FUT1: variants seen among roughly 807,000 people sequenced by gnomAD.
The protein encoded by FUT1 is galactoside alpha-(1,2)-fucosyltransferase 1.
For missense variants in FUT1, 476 were observed against 492.7 expected (o/e 0.97, Z 0.32); for synonymous variants, 215 against 208.7 (o/e 1.03, Z -0.26).
In FUT1 at chr19:48,752,007, C is replaced by A. The variant is rs2034010949; in HGVS notation, c.-3+483G>T. ...TGGTGGCACATGTCTGTGGTCTCAG[C>A]TACACCGGATGCTAAGGCGGGAGGA... On this transcript the variant is annotated intron_variant, in intron 1 of 1. Coordinates refer to ENST00000645652, the MANE Select transcript of FUT1 (RefSeq NM_001384359.1). This position sits in a 1 kb window ranked among gnomAD's most constrained non-coding sequence, Gnocchi z 4.3. 2.0e-5 allele frequency among the ~76,000 whole-genome samples: 3 copies of A among 151,292 alleles called. No individual in the cohort carries two copies. In the Admixed American group the frequency reaches 2.0e-4, roughly 10 times the overall value.
At chr19:48,751,958 A>T (rs372597860) in intron 1 of FUT1, among the ~76,000 whole-genome samples, 30 of 152,080 alleles carry the variant, frequency 2.0e-4, no homozygotes, top group Non-Finnish European at 3.1e-4. Flanking sequence ...TCTCCAAAAA[A>T]AAATAAATAA....
chr19:48,754,222 A>AT (rs2034052804), upstream of FUT1, among the ~76,000 whole-genome samples: 1 of 151,216 alleles, frequency 6.6e-6, no homozygotes, highest in Non-Finnish European at 1.5e-5. Context: ...TATTTCTTCT[A>AT]CCGCTATCTA....
chr19:48,750,324 C>T lies in FUT1; in HGVS notation c.958G>A (p.Gly320Arg), dbSNP rs762020231. ...AAGTTGGCCAGGTAGACAGTGTCTC[C>T]GCCAGCCAGGTAGGCAGCCCAGAAG... ...FGFWAAYLAG[G>R]DTVYLANFTL... Residue 320 changes from glycine to arginine, a missense_variant, in exon 2 of 2, where the codon GGA (glycine) becomes AGA (arginine). Coordinates refer to ENST00000645652, the MANE Select transcript of FUT1 (RefSeq NM_001384359.1). The T allele has an allele frequency of 1.2e-5, 19 of 1,614,072 alleles. No individual in the cohort carries two copies. The highest frequency in any genetic ancestry group is 4.5e-5 in the East Asian group (2 of 44,894).
At chr19:48,754,098 A>C (rs1292330590), upstream of FUT1, among the ~76,000 whole-genome samples, 1 of 150,340 alleles carries the variant, frequency 6.7e-6, no homozygotes, top group Non-Finnish European at 1.5e-5. Flanking sequence ...AGGCAGGAGA[A>C]TGGTGTGAAC....
At position 48,750,332 on chromosome 19, in the gene FUT1, A is replaced by T. The variant is rs762648440; in HGVS notation, c.950T>A (p.Leu317Gln). ...CAGGTAGACAGTGTCTCCGCCAGCC[A>T]GGTAGGCAGCCCAGAAGCCGAAGGT... ...IGTFGFWAAY[L>Q]AGGDTVYLAN... is the part of the protein sequence containing the mutation. Residue 317 changes from leucine to glutamine, a missense_variant, in exon 2 of 2, where the codon CTG becomes CAG. Physicochemically the swap from Leu to Gln is moderately radical, Grantham distance 113. Transcript: ENST00000645652. 1.2e-6 allele frequency: 2 copies of T among 1,614,238 alleles called. No individual in the cohort carries two copies. The highest frequency in any genetic ancestry group is 1.7e-6 in the Non-Finnish European group (2 of 1,180,048).
chr19:48,754,546 C>T (rs2122567567), upstream of FUT1, among the ~76,000 whole-genome samples: 2 of 152,282 alleles, frequency 1.3e-5, no homozygotes, highest in South Asian at 4.1e-4. Flanking sequence ...TCACAATGTC[C>T]CTTCAGTACC....
chr19:48,752,128 A>AG lies in FUT1; in HGVS notation c.-3+361_-3+362insC, dbSNP rs2034014176. On this transcript the variant is annotated intron_variant, in intron 1 of 1. Coordinates refer to ENST00000645652, the MANE Select transcript of FUT1 (RefSeq NM_001384359.1). This position sits in a 1 kb window ranked among gnomAD's most constrained non-coding sequence, Gnocchi z 4.3. ...CTGTCTTAAAAAAAAAAAAAAAAAA[A>AG]AAAAAAGAAAGTGGTCCAGGTTCCT... 6.7e-6 allele frequency among the ~76,000 whole-genome samples: 1 copy of AG among 148,922 alleles called. No individual in the cohort carries two copies. Among genetic ancestry groups the AG allele is most frequent in the African/African-American group, 2.5e-5 (1 of 40,722 alleles).
In FUT1 at chr19:48,749,974, C is replaced by T; in HGVS notation, c.*210G>A. 1.6e-6 allele frequency: 1 copy of T among 636,804 alleles called. No homozygotes were observed. The highest frequency in any genetic ancestry group is 2.9e-5 in the Admixed American group (1 of 34,704). 39.4% of individuals were successfully genotyped at this position (636,804 alleles called of 1,614,324 possible). ...GCTTCTAGAACTGCCTGCCAGCCAT[C>T]AGGAAAAGATGTTTTGCTAGTTCTA... On this transcript the variant is annotated 3_prime_UTR_variant, in exon 2 of 2. Transcript: ENST00000645652.
chr19:48,754,185 CAAA>C (rs4002472), upstream of FUT1, among the ~76,000 whole-genome samples: 4 of 73,490 alleles, frequency 5.4e-5, no homozygotes, highest in Non-Finnish European at 8.8e-5. Context: ...GACTCCGCCT[CAAA>C]AAAAAAAAAA....
In FUT1 at chr19:48,750,142, G is replaced by C. The variant is rs778659696; in HGVS notation, c.*42C>G. The stretch of plus-strand genomic sequence containing the variant: ...AGGCCTCTGAAGCCACGTACTGCTG[G>C]CTCTAGAAAGATCAGGCTACTTCAG... On this transcript the variant is annotated 3_prime_UTR_variant, in exon 2 of 2. Coordinates refer to ENST00000645652, the MANE Select transcript of FUT1 (RefSeq NM_001384359.1). The C allele has an allele frequency of 6.3e-6, 10 of 1,591,306 alleles. No individual in the cohort carries two copies. In the Admixed American group the frequency reaches 1.2e-4, roughly 19 times the overall value.
chr19:48,750,068 CG>C lies in FUT1; in HGVS notation c.*115del. 2 of 1,225,288 alleles carry C rather than the reference CG, an allele frequency of 1.6e-6. No individual in the cohort carries two copies. Among genetic ancestry groups the C allele is most frequent in the East Asian group, 2.5e-5 (1 of 39,684 alleles). The allele number at this position is 1,225,288 out of a possible 1,614,324, so 75.9% of individuals were successfully genotyped here. A position where few individuals can be genotyped will look rare whatever the true frequency, so the allele number is the denominator to read the frequency against. ...CTCCCAACTAGAATCACTCTGGATA[CG>C]GGCACCCATTTGCTTCAGGAACACC... is the stretch of plus-strand genomic sequence containing the variant. On this transcript the variant is annotated 3_prime_UTR_variant, in exon 2 of 2. Coordinates refer to ENST00000645652, the MANE Select transcript of FUT1 (RefSeq NM_001384359.1).
At position 48,750,645 on chromosome 19, in the gene FUT1, T is replaced by C; in HGVS notation, c.637A>G (p.Thr213Ala). 6.2e-7 allele frequency: 1 copy of C among 1,612,328 alleles called. No homozygotes were observed. The highest frequency in any genetic ancestry group is 8.5e-7 in the Non-Finnish European group (1 of 1,179,928). ...RLGRTGDRPR[T>A]FVGVHVRRGD... ...CGGCGCACGTGGACGCCGACAAAGGTGCGCGGGCGGTCCCCTGTGCGGCCC... is the reference window on the plus strand; with the variant it reads ...CGGCGCACGTGGACGCCGACAAAGGCGCGCGGGCGGTCCCCTGTGCGGCCC... The change falls in exon 2 of 2, where the codon ACC (threonine) becomes GCC (alanine). Residue 213 changes from threonine (T) to alanine (A), a missense_variant. By Grantham distance (58) the Thr-to-Ala change is moderately conservative (BLOSUM62 0). Transcript: ENST00000645652.
upstream of FUT1, among the ~76,000 whole-genome samples, chr19:48,754,474 C>T (rs1157929424): frequency 3.3e-5 from 5 of 152,138 alleles, no homozygotes; most frequent in Admixed American, 3.3e-4. Flanking sequence ...GACCAAGGAG[C>T]CCTCAAGAGG....
At chr19:48,754,058 C>A (rs1454525369), upstream of FUT1, among the ~76,000 whole-genome samples, 6 of 151,714 alleles carry the variant, frequency 4.0e-5, no homozygotes, top group Admixed American at 2.6e-4. Context: ...TGGTGGAGGG[C>A]GCCTGTAGTC....
In FUT1 at chr19:48,750,754, A is replaced by T; in HGVS notation, c.528T>A (p.His176Gln). The T allele has an allele frequency of 5.6e-6, 9 of 1,613,840 alleles. No individual in the cohort carries two copies. Among genetic ancestry groups the T allele is most frequent in the Non-Finnish European group, 7.6e-6 (9 of 1,179,980 alleles). The stretch of plus-strand genomic sequence containing the variant: ...ACTCTCTGCGGATCTGTTCCCGGAG[A>T]TGGTGGAAGAAAGTCCAAGAGCAGG... ...GFPCSWTFFH[H>Q]LREQIRREFT... Residue 176 changes from histidine to glutamine, a missense_variant, in exon 2 of 2, where the codon CAT becomes CAA. Coordinates refer to ENST00000645652, the MANE Select transcript of FUT1 (RefSeq NM_001384359.1).
Position 48,748,089 on chromosome 19 carries a change from T to C in FUT1, c.*2095A>G, listed in dbSNP as rs1446488198. 6.6e-6 allele frequency: 1 copy of C among 152,284 alleles called. No homozygotes were observed. The highest frequency in any genetic ancestry group is 2.4e-5 in the African/African-American group (1 of 41,424). 9.4% of individuals were successfully genotyped at this position (152,284 alleles called of 1,614,324 possible). A position where few individuals can be genotyped will look rare whatever the true frequency, so the allele number is the denominator to read the frequency against. ...GAGTTGGGAACAGTACTGTAACAAT[T>C]GTAACTGTAACTCCCTGATAAGCCT... On this transcript the variant is annotated 3_prime_UTR_variant, in exon 2 of 2. Coordinates refer to ENST00000645652, the MANE Select transcript of FUT1 (RefSeq NM_001384359.1).
At chr19:48,752,694 G>C (rs1205229078), upstream of FUT1, 1 of 985,270 alleles carries the variant, frequency 1.0e-6, no homozygotes, top group Non-Finnish European at 1.2e-6. The surrounding 1 kb of genome is among the most constrained non-coding windows in gnomAD (Gnocchi z 4.3). Context: ...CGGGAGTCTC[G>C]CAGCGTCCGC....
rs71179040 is a variant in FUT1, at chr19:48,752,109, TAAAAAA to T, written c.-3+375_-3+380del. On this transcript the variant is annotated intron_variant, in intron 1 of 1. Transcript: ENST00000645652. This position sits in a 1 kb window ranked among gnomAD's most constrained non-coding sequence, Gnocchi z 4.3. ...TGCGCGACAGAGAGGGACCCTGTCT[TAAAAAA>T]AAAAAAAAAAAAAAAAAAAGAAAGT... Among the ~76,000 whole-genome samples the T allele has an allele frequency of 1.5e-4, 15 of 100,150 alleles. No individual in the cohort carries two copies. Among genetic ancestry groups the T allele is most frequent in the Non-Finnish European group, 2.1e-4 (11 of 52,560 alleles). 65.7% of individuals were successfully genotyped at this position (100,150 alleles called of 152,430 possible).
At chr19:48,751,396 A>G in intron 1 of FUT1, 113 bp from the exon 2 acceptor site, 2 of 1,133,238 alleles carry the variant, frequency 1.8e-6, no homozygotes, top group Non-Finnish European at 2.6e-6. Flanking sequence ...AGTCCCAGGG[A>G]AAGAGGAAGT....
Sources: allele counts gnomAD v4.1 joint callset (sites outside exome capture counted in the v4.1 genomes callset), GRCh38; gene constraint gnomAD v4.1.1; non-coding constraint Gnocchi (gnomAD v3.1); transcripts MANE v1.5; gene names NCBI Gene and HGNC (gene_info 2026-07-23, HGNC 2026-07-21).